The following ITPR1 variants were observed in gnomAD, a reference collection of about 807,000 sequenced individuals.
The protein encoded by ITPR1 is inositol 1,4,5-trisphosphate receptor type 1.
Under a neutral mutation model 318.4 loss-of-function variants are expected in ITPR1, and 96 were observed. The ratio of observed to expected loss-of-function variants is 0.30; its 90% CI spans 0.26 to 0.36. The LOEUF is 0.36. Ranked by LOEUF, ITPR1 falls within the 10% of genes least tolerant of loss-of-function variation. ITPR1 has a pLI of 1.00. For missense variants in ITPR1, 2,440 were observed against 3,460.2 expected, an observed-to-expected ratio of 0.71 and a Z score of 7.40; for synonymous variants, 1,312 against 1,289.9, an observed-to-expected ratio of 1.02 and a Z score of -0.37.
intron 4 of ITPR1, among the ~76,000 whole-genome samples, chr3:4,544,953 C>G (rs2084824624): frequency 6.6e-6 from 1 of 152,056 alleles, no homozygotes; most frequent in Admixed American, 6.6e-5. Context: ...GCCACCATGC[C>G]TGGCTAATTT....
intron 5 of ITPR1, among the ~76,000 whole-genome samples, chr3:4,633,723 A>G (rs764655090): frequency 4.6e-5 from 7 of 152,248 alleles, no homozygotes; most frequent in Non-Finnish European, 8.8e-5. Context: ...TCTAAAGGCC[A>G]TTACTACTGT....
chr3:4,794,662 G>A (rs2047780574), intron 52 of ITPR1, among the ~76,000 whole-genome samples: 1 of 152,052 alleles, frequency 6.6e-6, no homozygotes, highest in African/African-American at 2.4e-5. Context: ...CTTCTAAAAA[G>A]CTAATTGAAT....
intron 4 of ITPR1, among the ~76,000 whole-genome samples, chr3:4,582,599 G>A (rs1213643032): frequency 6.6e-6 from 1 of 152,240 alleles, no homozygotes; most frequent in Non-Finnish European, 1.5e-5. Context: ...TGACCATGTT[G>A]CATGAAAAGG....
chr3:4,765,563 T>A (rs2045762922), intron 44 of ITPR1, among the ~76,000 whole-genome samples: 1 of 152,118 alleles, frequency 6.6e-6, no homozygotes, highest in Admixed American at 6.5e-5. Flanking sequence ...ATTGGAAGCC[T>A]AGGACTGCCT....
intron 35 of ITPR1, among the ~76,000 whole-genome samples, chr3:4,701,510 A>G (rs1249967380): frequency 6.6e-6 from 1 of 152,162 alleles, no homozygotes; most frequent in South Asian, 2.1e-4. Context: ...TTAGGAACAC[A>G]GCTTACTATC....
chr3:4,698,041 A>C (rs968584717), intron 34 of ITPR1, among the ~76,000 whole-genome samples: 1 of 152,188 alleles, frequency 6.6e-6, no homozygotes, highest in African/African-American at 2.4e-5. Flanking sequence ...GAGTGGCCTT[A>C]AGATACTTCA....
At chr3:4,505,892 A>G (rs1276902184) in intron 2 of ITPR1, among the ~76,000 whole-genome samples, 1 of 152,174 alleles carries the variant, frequency 6.6e-6, no homozygotes, top group African/African-American at 2.4e-5. Context: ...TTCACTTGTC[A>G]TTTGGACTTT....
chr3:4,643,599 G>GT (rs1491508927), intron 7 of ITPR1, among the ~76,000 whole-genome samples: 1 of 9,462 alleles, frequency 1.1e-4, no homozygotes, highest in Non-Finnish European at 5.3e-4. Flanking sequence ...TTGTTTTTTT[G>GT]GGGGGGGGGT....
At chr3:4,695,781 A>T (rs1208199853) in intron 33 of ITPR1, among the ~76,000 whole-genome samples, 2 of 152,042 alleles carry the variant, frequency 1.3e-5, no homozygotes, top group Admixed American at 6.5e-5. Context: ...ATTCCTTTCT[A>T]TTGTGGCACC....
chr3:4,736,529 A>G (rs2043285052), intron 44 of ITPR1, among the ~76,000 whole-genome samples: 1 of 152,016 alleles, frequency 6.6e-6, no homozygotes, highest in Non-Finnish European at 1.5e-5. Context: ...GCTTCCCCCA[A>G]CGTACACTTT....
At chr3:4,567,605 T>C (rs2087461599) in intron 4 of ITPR1, among the ~76,000 whole-genome samples, 1 of 140,008 alleles carries the variant, frequency 7.1e-6, no homozygotes, top group African/African-American at 2.7e-5. Context: ...TTGAGCTAGT[T>C]TTTTTTGGTT....
At chr3:4,746,043 A>G (rs1254132601) in intron 44 of ITPR1, among the ~76,000 whole-genome samples, 2 of 152,174 alleles carry the variant, frequency 1.3e-5, no homozygotes, top group Non-Finnish European at 2.9e-5. Context: ...CCCAGCTGGG[A>G]ATGGAGGAGC....
chr3:4,778,461 A>G (rs2046617687), intron 48 of ITPR1, among the ~76,000 whole-genome samples: 1 of 152,240 alleles, frequency 6.6e-6, no homozygotes, highest in South Asian at 2.1e-4. Context: ...TCATTAGGAA[A>G]GATGGGAACA....
intron 54 of ITPR1, 89 bp downstream of exon 54, chr3:4,800,689 T>C: frequency 7.5e-7 from 1 of 1,328,506 alleles, no homozygotes; most frequent in South Asian, 1.3e-5. Flanking sequence ...TGGCCTGTGC[T>C]TTCAGTCCAG....
At chr3:4,675,001 A>G (rs979193691) in intron 22 of ITPR1, 67 bp from the exon 23 acceptor site, 5 of 844,462 alleles carry the variant, frequency 5.9e-6, no homozygotes, top group Non-Finnish European at 9.6e-6. Context: ...ACTGGTCAAC[A>G]TCAAATGGAA....
chr3:4,573,549 C>CT (rs2125040332), intron 4 of ITPR1, among the ~76,000 whole-genome samples: 1 of 152,332 alleles, frequency 6.6e-6, no homozygotes, highest in Non-Finnish European at 1.5e-5. Flanking sequence ...CCATCACACA[C>CT]TGAGGATAAA....
At chr3:4,595,943 C>T (rs966415654) in intron 4 of ITPR1, 3 of 152,020 alleles carry the variant, frequency 2.0e-5, no homozygotes, top group Admixed American at 6.6e-5. Context: ...TGAAACTGGC[C>T]TAAGTGCAGC....
chr3:4,727,994 C>T (rs1325939854), intron 42 of ITPR1, among the ~76,000 whole-genome samples: 1 of 152,118 alleles, frequency 6.6e-6, no homozygotes, highest in Non-Finnish European at 1.5e-5. Context: ...ACTTTTGTAC[C>T]CTGTTTTGTC....
chr3:4,571,795 G>A (rs2088026298), intron 4 of ITPR1, among the ~76,000 whole-genome samples: 2 of 152,090 alleles, frequency 1.3e-5, no homozygotes, highest in South Asian at 4.1e-4. Context: ...ACCTAGAATG[G>A]GCAGGTCTCA....
Sources: gnomAD v4.1 joint callset for allele counts (sites outside exome capture counted in the v4.1 genomes callset) on GRCh38, gnomAD v4.1.1 for gene constraint, MANE v1.5 for transcripts, NCBI Gene and HGNC (gene_info 2026-07-23, HGNC 2026-07-21) for gene names.